The following MSH6 variants were observed in gnomAD, a reference collection of about 807,000 sequenced individuals.
The protein encoded by MSH6 is mutS homolog 6.
Under a neutral mutation model 119.1 loss-of-function variants are expected in MSH6, and 85 were observed. The ratio of observed to expected loss-of-function variants is 0.71; its 90% confidence interval spans 0.60 to 0.85. The LOEUF is 0.85. Ranked by LOEUF, MSH6 falls within the 40% of genes least tolerant of loss-of-function variation. The pLI is 0.00. For synonymous variants in MSH6, 830 were observed against 586.9 expected (o/e 1.41, Z -5.99); for missense variants, 2,163 against 1,655.3 (o/e 1.31, Z -5.32).
Position 47,801,076 on chromosome 2 carries a change from C to T in MSH6, c.3093C>T (p.Asp1031=), listed in dbSNP as rs1177250625. ...AEERRDVSLK[D]CMRRLFYNFD... is the part of the protein sequence containing the mutation. ...AACGGAGGGATGTATCATTGAAGGA[C>T]TGCATGCGGCGACTGTTCTATAACT... The change falls in exon 4 of 10, where the codon GAC becomes GAT. Residue 1031 remains aspartate (D), a synonymous_variant. Transcript: ENST00000234420. 1.2e-6 allele frequency: 2 copies of T among 1,609,812 alleles called. No homozygotes were observed. Among genetic ancestry groups the T allele is most frequent in the East Asian group, 2.2e-5 (1 of 44,846 alleles).
At position 47,789,322 on chromosome 2, in the gene MSH6, G is replaced by GT. The variant is rs1365731815; in HGVS notation, c.261-1602dup. 2.1e-5 allele frequency: 8 copies of GT among 390,072 alleles called. No homozygotes were observed. In the East Asian group the frequency reaches 6.0e-4, roughly 29 times the overall value. The allele number at this position is 390,072 out of a possible 1,614,324, so 24.2% of individuals were successfully genotyped here. A position where few individuals can be genotyped will look rare whatever the true frequency, so the allele number is the denominator to read the frequency against. ...ATGATGTTGAAAAACAAAATTTTTT[G>GT]TTTAAATGCTTATGTTTCTAATATT... On this transcript the variant is annotated intron_variant, in intron 1 of 9. Coordinates refer to ENST00000234420, the MANE Select transcript of MSH6 (RefSeq NM_000179.3).
downstream of MSH6, chr2:47,809,579 G>C (rs542408171): frequency 3.3e-6 from 5 of 1,517,944 alleles, no homozygotes; most frequent in Non-Finnish European, 4.6e-6. Context: ...ATATTTATAG[G>C]TATAGCAGAC....
At chr2:47,802,614 T>G (rs1669666166) in intron 4 of MSH6, among the ~76,000 whole-genome samples, 1 of 151,094 alleles carries the variant, frequency 6.6e-6, no homozygotes, top group Non-Finnish European at 1.5e-5. Flanking sequence ...ATTACACGCA[T>G]GAGCCACTGC....
chr2:47,809,063 C>G, downstream of MSH6: 1 of 715,788 alleles, frequency 1.4e-6, no homozygotes, highest in Non-Finnish European at 2.4e-6. Flanking sequence ...GTTATAGTCT[C>G]AACACCGGCA....
At chr2:47,809,638 C>G, downstream of MSH6, 1 of 1,613,488 alleles carries the variant, frequency 6.2e-7, no homozygotes, top group South Asian at 1.1e-5. Flanking sequence ...TAAAAATAAG[C>G]CTCCAAACCG....
rs1668684467 is a variant in MSH6, at chr2:47,790,934, T to G, written c.268T>G (p.Phe90Val). 6.2e-7 allele frequency: 1 copy of G among 1,614,110 alleles called. No individual in the cohort carries two copies. Among genetic ancestry groups the G allele is most frequent in the South Asian group, 1.1e-5 (1 of 91,088 alleles). ...VAPAAPTSCD[F>V]SPGDLVWAKM... The stretch of plus-strand genomic sequence containing the variant: ...ATTTCCTTTTGGCAACAGTTGTGAC[T>G]TCTCACCAGGAGATTTGGTTTGGGC... The change falls in exon 2 of 10, where the codon TTC (phenylalanine) becomes GTC (valine). Residue 90 changes from phenylalanine (F) to valine (V), a missense_variant. Physicochemically the swap from Phe to Val is conservative, Grantham distance 50. Transcript: ENST00000234420.
At chr2:47,788,068 A>G (rs968415476) in intron 1 of MSH6, among the ~76,000 whole-genome samples, 1 of 152,164 alleles carries the variant, frequency 6.6e-6, no homozygotes, top group African/African-American at 2.4e-5. Context: ...TACACAATAC[A>G]TTTTACTACC....
intron 1 of MSH6, among the ~76,000 whole-genome samples, chr2:47,787,220 T>C (rs923375017): frequency 6.6e-6 from 1 of 152,064 alleles, no homozygotes; most frequent in East Asian, 1.9e-4. Context: ...GTCCAGGAGG[T>C]TGAGGCTGCA....
rs150990541 is a variant in MSH6, at chr2:47,806,474, G to A, written c.3824G>A (p.Cys1275Tyr). 7.6e-5 allele frequency: 122 copies of A among 1,613,954 alleles called. No homozygotes were observed. The highest frequency in any genetic ancestry group is 9.6e-5 in the Non-Finnish European group (113 of 1,179,996). The change falls in exon 9 of 10, where the codon TGT becomes TAT. Residue 1275 changes from cysteine to tyrosine, a missense_variant. By Grantham distance (194) the Cys-to-Tyr change is radical. Transcript: ENST00000234420. ...AAGGCATGCATGGTAGAAAATGAATGTGAAGACCCCAGCCAGGAGACTATT... is the reference window on the plus strand; with the variant it reads ...AAGGCATGCATGGTAGAAAATGAATATGAAGACCCCAGCCAGGAGACTATT... The part of the protein sequence containing the change: ...GHMACMVENE[C>Y]EDPSQETITF...
At chr2:47,806,133 AT>A in intron 7 of MSH6, 70 bp from the exon 8 acceptor site, 2 of 1,489,750 alleles carry the variant, frequency 1.3e-6, no homozygotes, top group South Asian at 1.1e-5. Context: ...CTGTCCTAGC[AT>A]TTTTGTTTTA....
At chr2:47,785,715 C>G (rs1298790118) in intron 1 of MSH6, among the ~76,000 whole-genome samples, 1 of 152,178 alleles carries the variant, frequency 6.6e-6, no homozygotes, top group Non-Finnish European at 1.5e-5. Context: ...TCCGCAATAA[C>G]AAACTCCTGG....
At chr2:47,788,064 A>G (rs1262564071) in intron 1 of MSH6, among the ~76,000 whole-genome samples, 2 of 151,326 alleles carry the variant, frequency 1.3e-5, no homozygotes, top group Admixed American at 6.6e-5. Flanking sequence ...TTGTTACACA[A>G]TACATTTTAC....
chr2:47,784,297 T>C (rs1482882507), intron 1 of MSH6: 16 of 934,490 alleles, frequency 1.7e-5, no homozygotes, highest in Non-Finnish European at 1.8e-5. Flanking sequence ...ATGTGGAAAT[T>C]CGTGTCGAGT....
At chr2:47,790,163 TG>T (rs1371818094) in intron 1 of MSH6, among the ~76,000 whole-genome samples, 1 of 152,214 alleles carries the variant, frequency 6.6e-6, no homozygotes, top group Non-Finnish European at 1.5e-5. Flanking sequence ...GGCTCACGCC[TG>T]TAATCCCAGC....
chr2:47,791,675 CTTT>C (rs575880393), intron 2 of MSH6, among the ~76,000 whole-genome samples: 1 of 132,498 alleles, frequency 7.5e-6, no homozygotes, highest in African/African-American at 2.8e-5. Flanking sequence ...CTCTTTCTTT[CTTT>C]TTTTTTTTTT....
chr2:47,809,876 C>T (rs922411003), downstream of MSH6: 1 of 550,882 alleles, frequency 1.8e-6, no homozygotes, highest in South Asian at 2.5e-5. Context: ...GTAACATTCA[C>T]TTATCAATGA....
At position 47,783,386 on chromosome 2, in the gene MSH6, C is replaced by G. The variant is rs762061869; in HGVS notation, c.153C>G (p.Ser51Arg). 1 of 1,584,704 alleles carries G rather than the reference C, an allele frequency of 6.3e-7. No individual in the cohort carries two copies. Among genetic ancestry groups the G allele is most frequent in the South Asian group, 1.1e-5 (1 of 88,542 alleles). Residue 51 changes from serine (S) to arginine (R), a missense_variant, in exon 1 of 10, where the codon AGC becomes AGG. By Grantham distance (110) the Ser-to-Arg change is moderately radical. Transcript: ENST00000234420. The stretch of plus-strand genomic sequence containing the variant: ...CCCCAGGCGGGGATGCGGCCTGGAG[C>G]GAGGCTGGGCCTGGGCCCAGGCCCT... ...SPSPGGDAAW[S>R]EAGPGPRPLA...
chr2:47,784,362 T>C, intron 1 of MSH6: 1 of 564,138 alleles, frequency 1.8e-6, no homozygotes, highest in Non-Finnish European at 2.3e-6. Context: ...CCACTGGGCT[T>C]TTAGAGGCCT....
chr2:47,795,640 AT>A (rs951528168), intron 2 of MSH6, among the ~76,000 whole-genome samples: 10 of 145,582 alleles, frequency 6.9e-5, no homozygotes, highest in East Asian at 2.0e-4. Context: ...TAATTTTTGT[AT>A]TTTTTTTTTG....
Sources: gnomAD v4.1 joint callset for allele counts (sites outside exome capture counted in the v4.1 genomes callset) on GRCh38, gnomAD v4.1.1 for gene constraint, MANE v1.5 for transcripts, NCBI Gene and HGNC (gene_info 2026-07-23, HGNC 2026-07-21) for gene names.